PCDHA6: variants seen among roughly 807,000 people sequenced by gnomAD.
The protein encoded by PCDHA6 is protocadherin alpha-6.
Under a neutral mutation model 60.3 loss-of-function variants are expected in PCDHA6, and 55 were observed. That is an observed-to-expected ratio of 0.91 (90% CI 0.73 to 1.14). The LOEUF (loss-of-function observed/expected upper bound fraction) is 1.14, where lower values mean the gene tolerates loss of function less well. PCDHA6 is among the 50% of genes most tolerant of loss of function. The pLI is 0.00. For missense variants in PCDHA6, 1,327 were observed against 1,256.5 expected, an observed-to-expected ratio of 1.06 and a Z score of -0.85; for synonymous variants, 652 against 557.9, an observed-to-expected ratio of 1.17 and a Z score of -2.38.
chr5:140,842,888 C>G, intron 1 of PCDHA6: 1 of 1,593,820 alleles, frequency 6.3e-7, no homozygotes, highest in South Asian at 1.1e-5. Flanking sequence ...GCTGCAGCCG[C>G]TGGACCACGA....
In PCDHA6 at chr5:140,857,214, C is replaced by T. The variant is rs193920994; in HGVS notation, c.2394+26729C>T. ...AACGGACAGGTCACCTGCTCTCTGA[C>T]GCCTCACGTTCCGTTCAAGCTGGTG... is the stretch of plus-strand genomic sequence containing the variant. On this transcript the variant is annotated intron_variant, in intron 1 of 3. Transcript: ENST00000529310. 5 of 1,598,500 alleles carry T rather than the reference C, an allele frequency of 3.1e-6. 1 individual carries two copies. Among genetic ancestry groups the T allele is most frequent in the Non-Finnish European group, 3.4e-6 (4 of 1,167,936 alleles).
At chr5:140,857,676 C>T (rs1178476676) in intron 1 of PCDHA6, 1 of 1,596,974 alleles carries the variant, frequency 6.3e-7, no homozygotes, top group Non-Finnish European at 8.6e-7. Context: ...GGCGTGCCGC[C>T]TCTGGGCAGC....
intron 1 of PCDHA6, among the ~76,000 whole-genome samples, chr5:140,953,840 G>C (rs1429646408): frequency 6.6e-6 from 1 of 152,072 alleles, no homozygotes; most frequent in African/African-American, 2.4e-5. Flanking sequence ...TTGTTACCCA[G>C]GTAAACATGT....
chr5:140,979,094 T>G, intron 2 of PCDHA6, 87 bp downstream of exon 2: 3 of 1,551,990 alleles, frequency 1.9e-6, no homozygotes, highest in Non-Finnish European at 2.6e-6. Context: ...CAGAAGCAGC[T>G]GTCAAAACTA....
At chr5:140,843,413 G>A (rs2150359466) in intron 1 of PCDHA6, 1 of 1,596,100 alleles carries the variant, frequency 6.3e-7, no homozygotes, top group Non-Finnish European at 8.6e-7. Flanking sequence ...GGATGTCAAC[G>A]TGTACCTGAT....
intron 1 of PCDHA6, among the ~76,000 whole-genome samples, chr5:140,964,342 C>T (rs2095825714): frequency 6.6e-6 from 1 of 152,184 alleles, no homozygotes; most frequent in Non-Finnish European, 1.5e-5. Context: ...TGGCAGGTGT[C>T]CTTGCTGGAA....
In PCDHA6 at chr5:140,884,485, A is replaced by G. The variant is rs781880810; in HGVS notation, c.2394+54000A>G. 8 of 1,613,726 alleles carry G rather than the reference A, an allele frequency of 5.0e-6. No homozygotes were observed. The South Asian group carries it at 6.6e-5, about 13-fold the overall frequency. Reference sequence around the variant, plus strand: ...CGTGCGCGCCGGGCAAGCCCACTCTAGTGTGCTCCAGCGCGGCAGGGAGTT... The same window carrying G: ...CGTGCGCGCCGGGCAAGCCCACTCTGGTGTGCTCCAGCGCGGCAGGGAGTT... On this transcript the variant is annotated intron_variant, in intron 1 of 3. Transcript: ENST00000529310.
chr5:140,907,782 G>A (rs1285928394), intron 1 of PCDHA6, among the ~76,000 whole-genome samples: 1 of 152,158 alleles, frequency 6.6e-6, no homozygotes, highest in African/African-American at 2.4e-5. Flanking sequence ...AGGGGTGGCT[G>A]GGGAAAGAGG....
chr5:140,988,268 G>A (rs1463795699), intron 3 of PCDHA6, among the ~76,000 whole-genome samples: 3 of 152,160 alleles, frequency 2.0e-5, no homozygotes, highest in Non-Finnish European at 4.4e-5. Context: ...AGTATCCTTC[G>A]CTGTCACCTG....
At chr5:140,869,391 C>CG (rs2051094995) in intron 1 of PCDHA6, 1 of 1,614,020 alleles carries the variant, frequency 6.2e-7, no homozygotes, top group Non-Finnish European at 8.5e-7. Context: ...AGGAGCTGTG[C>CG]GGGCAGAGCG....
chr5:140,954,441 G>A (rs1411694581), intron 1 of PCDHA6, among the ~76,000 whole-genome samples: 2 of 151,498 alleles, frequency 1.3e-5, no homozygotes, highest in Non-Finnish European at 3.0e-5. Flanking sequence ...TGTTGTTTCT[G>A]GACTTGTTAA....
chr5:140,851,022 T>C, intron 1 of PCDHA6: 1 of 1,428,366 alleles, frequency 7.0e-7, no homozygotes, highest in Non-Finnish European at 9.2e-7. Context: ...TCTGATAAAG[T>C]AAACCCCTTA....
chr5:140,852,121 TA>T, intron 1 of PCDHA6: 1 of 901,518 alleles, frequency 1.1e-6, no homozygotes, highest in Non-Finnish European at 1.4e-6. Context: ...ATGACCTAAT[TA>T]AAAACTCAGT....
At chr5:140,910,525 C>T (rs531874263) in intron 1 of PCDHA6, among the ~76,000 whole-genome samples, 2 of 152,258 alleles carry the variant, frequency 1.3e-5, no homozygotes, top group African/African-American at 4.8e-5. Context: ...GCAGGTACTC[C>T]CCTCACAAAT....
intron 1 of PCDHA6, among the ~76,000 whole-genome samples, chr5:140,941,192 TTTCTTTCTTCC>T (rs1330855559): frequency 1.0e-5 from 1 of 99,660 alleles, no homozygotes; most frequent in Non-Finnish European, 2.1e-5. Flanking sequence ...CTTCTTTTTT[TTTCTTTCTTCC>T]TTTCTTTCTT....
At chr5:140,988,698 A>G (rs1563551697) in intron 3 of PCDHA6, among the ~76,000 whole-genome samples, 1 of 152,116 alleles carries the variant, frequency 6.6e-6, no homozygotes, top group East Asian at 1.9e-4. Context: ...GACGCTCTGT[A>G]TTTTCTTGGA....
At chr5:140,896,960 T>C (rs1242760287) in intron 1 of PCDHA6, among the ~76,000 whole-genome samples, 1 of 152,234 alleles carries the variant, frequency 6.6e-6, no homozygotes, top group Non-Finnish European at 1.5e-5. Context: ...CTTAAACATT[T>C]ATTCTTTGCA....
intron 1 of PCDHA6, chr5:140,857,908 G>T (rs782073504): frequency 6.3e-7 from 1 of 1,597,722 alleles, no homozygotes; most frequent in South Asian, 1.1e-5. Flanking sequence ...CACGCATCCC[G>T]TTTCGCGTGG....
chr5:140,929,679 G>T lies in PCDHA6; in HGVS notation c.2395-49270G>T, dbSNP rs142104946. ...ATTTAAAGTGAAGAATGAAAAATAT[G>T]TAAGAGTCTGCTTTATATGAATATA... On this transcript the variant is annotated intron_variant, in intron 1 of 3. Coordinates refer to ENST00000529310, the MANE Select transcript of PCDHA6 (RefSeq NM_018909.4). 2.7e-3 allele frequency: 822 copies of T among 303,170 alleles called. 4 individuals are homozygous for T. Among genetic ancestry groups the T allele is most frequent in the African/African-American group, 0.017 (768 of 46,460 alleles). The allele number at this position is 303,170 out of a possible 1,614,324, so 18.8% of individuals were successfully genotyped here. A position where few individuals can be genotyped will look rare whatever the true frequency, so the allele number is the denominator to read the frequency against.
Sources: gnomAD v4.1 joint callset for allele counts (sites outside exome capture counted in the v4.1 genomes callset) on GRCh38, gnomAD v4.1.1 for gene constraint, MANE v1.5 for transcripts, NCBI Gene and HGNC (gene_info 2026-07-23, HGNC 2026-07-21) for gene names.